GOLPH3: variants seen among roughly 807,000 people sequenced by gnomAD.
The protein encoded by GOLPH3 is coat protein GPP34.
In GOLPH3, 14 loss-of-function variants were observed where a neutral mutation model predicts 28.5. That is an observed-to-expected ratio of 0.49 (90% CI 0.32 to 0.77). The LOEUF (loss-of-function observed/expected upper bound fraction) is 0.77, where lower values mean the gene tolerates loss of function less well. GOLPH3 is among the 30% of genes least tolerant of loss of function. The pLI is 0.03. For missense variants in GOLPH3, 350 were observed against 393.7 expected (o/e 0.89, Z 0.94); for synonymous variants, 158 against 159.2 (o/e 0.99, Z 0.06).
intron 1 of GOLPH3, among the ~76,000 whole-genome samples, chr5:32,168,586 T>A (rs909728037): frequency 3.9e-5 from 6 of 152,168 alleles, no homozygotes; most frequent in Non-Finnish European, 8.8e-5. Context: ...CACTGAAAGA[T>A]GACTGGAAAA....
At position 32,143,765 on chromosome 5, in the gene GOLPH3, CTT is replaced by C; in HGVS notation, c.339_340del (p.Leu115IlefsTer8). On this transcript the variant is annotated frameshift_variant, in exon 2 of 4. Transcript: ENST00000265070. LOFTEE classifies it high-confidence loss of function. The stretch of plus-strand genomic sequence containing the variant: ...TCCTCTTACCTTTCTTGTTAATAGA[CTT>C]TTACGTCTCATTCCACAAGCCTCTA... The C allele has an allele frequency of 6.2e-7, 1 of 1,608,230 alleles. No individual in the cohort carries two copies. The highest frequency in any genetic ancestry group is 8.5e-7 in the Non-Finnish European group (1 of 1,178,258).
At chr5:32,173,231 G>T (rs1448214491) in intron 1 of GOLPH3, among the ~76,000 whole-genome samples, 2 of 141,644 alleles carry the variant, frequency 1.4e-5, no homozygotes, top group African/African-American at 2.5e-5. Flanking sequence ...CATTTACCAG[G>T]AGGTTTCATG....
intron 1 of GOLPH3, 67 bp from the exon 2 acceptor site, chr5:32,143,947 G>C: frequency 1.8e-6 from 2 of 1,115,030 alleles, no homozygotes; most frequent in South Asian, 1.8e-5. Context: ...GTAAAAAACA[G>C]AAATATTATC....
At chr5:32,127,097 G>A (rs929505712) in intron 3 of GOLPH3, among the ~76,000 whole-genome samples, 2 of 152,128 alleles carry the variant, frequency 1.3e-5, no homozygotes, top group Non-Finnish European at 2.9e-5. Context: ...AGCCTGTTTA[G>A]GCCATGCTAT....
At chr5:32,168,030 TG>T (rs1441111005) in intron 1 of GOLPH3, among the ~76,000 whole-genome samples, 3 of 152,192 alleles carry the variant, frequency 2.0e-5, no homozygotes, top group Non-Finnish European at 4.4e-5. Flanking sequence ...CTCATACCTG[TG>T]TTTAAACACC....
At chr5:32,159,869 G>C (rs1746537066) in intron 1 of GOLPH3, among the ~76,000 whole-genome samples, 1 of 152,212 alleles carries the variant, frequency 6.6e-6, no homozygotes, top group South Asian at 2.1e-4. Context: ...CCCCAGAGCT[G>C]TGACTCTAGA....
At chr5:32,128,041 G>C (rs1034510242) in intron 3 of GOLPH3, among the ~76,000 whole-genome samples, 8 of 151,976 alleles carry the variant, frequency 5.3e-5, no homozygotes, top group African/African-American at 1.9e-4. Context: ...GCTGCAGTGT[G>C]CAAAGCAGAC....
At chr5:32,155,131 A>G (rs1015254876) in intron 1 of GOLPH3, among the ~76,000 whole-genome samples, 3 of 149,842 alleles carry the variant, frequency 2.0e-5, no homozygotes, top group Non-Finnish European at 3.0e-5. Context: ...TCTAAAATGT[A>G]TTATGGTGAT....
intron 3 of GOLPH3, among the ~76,000 whole-genome samples, chr5:32,130,298 C>T (rs1288679554): frequency 6.6e-6 from 1 of 152,134 alleles, no homozygotes; most frequent in Admixed American, 6.6e-5. Context: ...TGTTAAACGA[C>T]TTAGGGAAAT....
intron 3 of GOLPH3, among the ~76,000 whole-genome samples, chr5:32,131,689 A>C (rs1361305522): frequency 1.3e-5 from 2 of 152,226 alleles, no homozygotes; most frequent in Non-Finnish European, 2.9e-5. Flanking sequence ...TTTTTGGTAA[A>C]GGAAATTGTG....
chr5:32,147,458 C>T (rs1274385158), intron 1 of GOLPH3, among the ~76,000 whole-genome samples: 1 of 151,664 alleles, frequency 6.6e-6, no homozygotes, highest in Non-Finnish European at 1.5e-5. Flanking sequence ...GAAAAGAAAT[C>T]CTGGTGCAGA....
rs150824290 is a variant in GOLPH3, at chr5:32,143,800, C to T, written c.306G>A (p.Arg102=). Residue 102 remains arginine, a synonymous_variant, in exon 2 of 4, where the codon AGG becomes AGA. Transcript: ENST00000265070. ...TCATTCCACAAGCCTCTAGTTGTAA[C>T]CTTCCTCTCAATGCTAATTCAATTA... is the stretch of plus-strand genomic sequence containing the variant. The part of the protein sequence containing the change: ...CMLIELALRG[R]LQLEACGMRR... The T allele has an allele frequency of 1.0e-5, 16 of 1,605,020 alleles. No individual in the cohort carries two copies. Among genetic ancestry groups the T allele is most frequent in the Non-Finnish European group, 1.2e-5 (14 of 1,177,246 alleles).
chr5:32,155,967 A>C (rs1746414473), intron 1 of GOLPH3, among the ~76,000 whole-genome samples: 1 of 116,720 alleles, frequency 8.6e-6, no homozygotes, highest in Non-Finnish European at 1.6e-5. Context: ...AAAAAAAAAA[A>C]AAAAAAAAAA....
intron 1 of GOLPH3, among the ~76,000 whole-genome samples, chr5:32,158,804 A>C (rs1011566767): frequency 6.6e-6 from 1 of 152,106 alleles, no homozygotes; most frequent in Non-Finnish European, 1.5e-5. Context: ...TCCATCCCTC[A>C]CACATTCCCT....
chr5:32,158,216 A>G (rs1265498531), intron 1 of GOLPH3, among the ~76,000 whole-genome samples: 1 of 150,948 alleles, frequency 6.6e-6, no homozygotes, highest in Non-Finnish European at 1.5e-5. Context: ...ACCACTCTCC[A>G]TATCAGATAT....
intron 1 of GOLPH3, among the ~76,000 whole-genome samples, chr5:32,166,947 GA>G (rs1746727808): frequency 6.6e-6 from 1 of 150,788 alleles, no homozygotes; most frequent in South Asian, 2.1e-4. Context: ...AATGGCAGTA[GA>G]AAAGTTATGC....
intron 2 of GOLPH3, among the ~76,000 whole-genome samples, chr5:32,143,143 G>A (rs1216753958): frequency 6.6e-6 from 1 of 152,224 alleles, no homozygotes; most frequent in East Asian, 1.9e-4. Flanking sequence ...GTTGATCGGT[G>A]ACCTTAAACC....
intron 1 of GOLPH3, among the ~76,000 whole-genome samples, chr5:32,170,511 G>A (rs889871866): frequency 3.9e-5 from 6 of 152,212 alleles, no homozygotes; most frequent in African/African-American, 1.4e-4. Context: ...AAAGCAATGA[G>A]TTAGCATAAA....
chr5:32,140,256 C>A (rs1333985143), intron 2 of GOLPH3, among the ~76,000 whole-genome samples: 4 of 151,932 alleles, frequency 2.6e-5, no homozygotes, highest in Admixed American at 1.3e-4. Context: ...GTAATCCCAG[C>A]TCTTTGGGAG....
Sources: allele counts gnomAD v4.1 joint callset (sites outside exome capture counted in the v4.1 genomes callset), GRCh38; gene constraint gnomAD v4.1.1; transcripts MANE v1.5; gene names NCBI Gene and HGNC (gene_info 2026-07-23, HGNC 2026-07-21).